Variants in MAN1A2 observed in about 807,000 individuals in gnomAD.
MAN1A2 encodes mannosyl-oligosaccharide 1,2-alpha-mannosidase IB.
A neutral mutation model predicts 75.7 loss-of-function variants in MAN1A2; 26 were observed. The ratio of observed to expected loss-of-function variants is 0.34; its 90% CI spans 0.25 to 0.48. The LOEUF (loss-of-function observed/expected upper bound fraction) is 0.48. MAN1A2 is among the 20% of genes least tolerant of loss of function. MAN1A2 has a pLI of 0.99. For synonymous variants in MAN1A2, 247 were observed against 264.6 expected (o/e 0.93, Z 0.65); for missense variants, 562 against 775.5 (o/e 0.72, Z 3.27).
At chr1:117,436,103 A>G (rs1218156168) in intron 5 of MAN1A2, among the ~76,000 whole-genome samples, 1 of 152,210 alleles carries the variant, frequency 6.6e-6, no homozygotes, top group Non-Finnish European at 1.5e-5. Context: ...AGTCTAGTCA[A>G]GAGACAGAAT....
chr1:117,465,957 T>A (rs1331177914), intron 7 of MAN1A2, among the ~76,000 whole-genome samples: 2 of 152,186 alleles, frequency 1.3e-5, no homozygotes, highest in Non-Finnish European at 2.9e-5. Flanking sequence ...TCAATTCCTG[T>A]GAAGTTATTT....
At chr1:117,415,778 G>A (rs1647971291) in intron 4 of MAN1A2, among the ~76,000 whole-genome samples, 1 of 152,022 alleles carries the variant, frequency 6.6e-6, no homozygotes, top group Non-Finnish European at 1.5e-5. Flanking sequence ...TGGCTTCAGT[G>A]TATATCTTAG....
Position 117,377,114 on chromosome 1 carries a change from A to G in MAN1A2, c.302+8629A>G, listed in dbSNP as rs960663234. On this transcript the variant is annotated intron_variant, in intron 1 of 12. Transcript: ENST00000356554. ...TATGGCTATATATGGTTATATCTGT[A>G]TGTTTATAATGTTATACATGCATAC... 3.3e-5 allele frequency among the ~76,000 whole-genome samples: 5 copies of G among 152,312 alleles called. No individual in the cohort carries two copies. In the East Asian group the frequency reaches 9.6e-4, roughly 29 times the overall value.
At chr1:117,480,490 G>A (rs1650461796) in intron 8 of MAN1A2, among the ~76,000 whole-genome samples, 1 of 151,416 alleles carries the variant, frequency 6.6e-6, no homozygotes, top group Non-Finnish European at 1.5e-5. Flanking sequence ...GTTGTTTTAG[G>A]TTTCAGGCTA....
At chr1:117,497,079 C>G (rs1385739858) in intron 10 of MAN1A2, 97 bp downstream of exon 10, 4 of 906,852 alleles carry the variant, frequency 4.4e-6, no homozygotes, top group Non-Finnish European at 3.3e-6. Flanking sequence ...GCACTTTTTA[C>G]TTCCAAATAG....
At chr1:117,511,012 A>G (rs1651517415) in intron 12 of MAN1A2, among the ~76,000 whole-genome samples, 1 of 152,076 alleles carries the variant, frequency 6.6e-6, no homozygotes, top group Non-Finnish European at 1.5e-5. Flanking sequence ...GTAATTTATG[A>G]AGAAAAGAGG....
intron 6 of MAN1A2, among the ~76,000 whole-genome samples, chr1:117,453,189 A>G (rs1405495745): frequency 6.6e-6 from 1 of 152,130 alleles, no homozygotes; most frequent in Non-Finnish European, 1.5e-5. Flanking sequence ...CCCAAGATTA[A>G]TGTTGTTTTC....
chr1:117,450,885 C>G (rs1450512079), intron 6 of MAN1A2, among the ~76,000 whole-genome samples: 1 of 152,224 alleles, frequency 6.6e-6, no homozygotes, highest in African/African-American at 2.4e-5. Flanking sequence ...GGACACGACT[C>G]TCTCTCATGG....
intron 6 of MAN1A2, 100 bp downstream of exon 6, chr1:117,442,425 A>G (rs527972312): frequency 2.4e-4 from 171 of 708,548 alleles, no homozygotes; most frequent in Non-Finnish European, 3.8e-4. Flanking sequence ...TTAAAGACAT[A>G]TTGTTTTTCT....
intron 5 of MAN1A2, among the ~76,000 whole-genome samples, chr1:117,426,185 A>C (rs1648367593): frequency 2.0e-5 from 3 of 151,754 alleles, no homozygotes; most frequent in Non-Finnish European, 4.4e-5. Flanking sequence ...AATCTCCTTT[A>C]ATTCTTTATT....
At chr1:117,477,664 A>G (rs1365829111) in intron 8 of MAN1A2, among the ~76,000 whole-genome samples, 2 of 152,060 alleles carry the variant, frequency 1.3e-5, no homozygotes, top group African/African-American at 2.4e-5. Flanking sequence ...ATTTATGACA[A>G]ACCCACAGCT....
chr1:117,467,927 T>TA (rs926563289), intron 8 of MAN1A2, among the ~76,000 whole-genome samples: 95 of 152,040 alleles, frequency 6.2e-4, no homozygotes, highest in African/African-American at 1.9e-3. Flanking sequence ...ATAAAAGTAC[T>TA]AAAAAAAGGG....
chr1:117,389,060 A>G (rs1308402405), intron 1 of MAN1A2, among the ~76,000 whole-genome samples: 1 of 152,174 alleles, frequency 6.6e-6, no homozygotes, highest in Non-Finnish European at 1.5e-5. Flanking sequence ...ATCCACTTCA[A>G]CTTTTATCCT....
chr1:117,373,778 G>A (rs1653051162), intron 1 of MAN1A2, among the ~76,000 whole-genome samples: 1 of 152,126 alleles, frequency 6.6e-6, no homozygotes, highest in Non-Finnish European at 1.5e-5. Flanking sequence ...ACAGGTGTTA[G>A]CCACTGCACC....
chr1:117,455,661 G>A lies in MAN1A2; in HGVS notation c.951-4828G>A, dbSNP rs145542468. On this transcript the variant is annotated intron_variant, in intron 6 of 12. Transcript: ENST00000356554. ...AGAATTAAAATTAGAAGAGACCAGTGAGTATTTAAAATGTAATAGACAACT... is the reference window on the plus strand; with the variant it reads ...AGAATTAAAATTAGAAGAGACCAGTAAGTATTTAAAATGTAATAGACAACT... Among the ~76,000 whole-genome samples the A allele has an allele frequency of 1.0e-3, 156 of 152,118 alleles. 2 individuals are homozygous for A. The East Asian group carries it at 0.027, about 26-fold the overall frequency.
chr1:117,409,090 C>G (rs539260270), intron 3 of MAN1A2, among the ~76,000 whole-genome samples: 5 of 152,104 alleles, frequency 3.3e-5, no homozygotes, highest in Non-Finnish European at 7.4e-5. Flanking sequence ...CTTTTGGGTT[C>G]ATTGATCTTT....
chr1:117,457,246 G>A (rs1321134226), intron 6 of MAN1A2, among the ~76,000 whole-genome samples: 4 of 151,980 alleles, frequency 2.6e-5, no homozygotes, highest in South Asian at 2.1e-4. Flanking sequence ...AGAAACATAC[G>A]TTTTGCTTGC....
chr1:117,421,439 T>C (rs929176718), intron 5 of MAN1A2, among the ~76,000 whole-genome samples: 4 of 150,878 alleles, frequency 2.7e-5, no homozygotes, highest in Admixed American at 6.6e-5. Context: ...ATTTAAAGGA[T>C]TTTTTTTTCC....
intron 5 of MAN1A2, among the ~76,000 whole-genome samples, chr1:117,425,403 CTATAGATCAG>C (rs1364546365): frequency 6.6e-6 from 1 of 152,122 alleles, no homozygotes; most frequent in African/African-American, 2.4e-5. Flanking sequence ...TAAAGTAAAA[CTATAGATCAG>C]TATCTCATGT....
Sources: allele counts gnomAD v4.1 joint callset (sites outside exome capture counted in the v4.1 genomes callset), GRCh38; gene constraint gnomAD v4.1.1; transcripts MANE v1.5; gene names NCBI Gene and HGNC (gene_info 2026-07-23, HGNC 2026-07-21).